Variants in TENM1 observed in about 807,000 individuals in gnomAD.
TENM1 encodes the protein teneurin transmembrane protein 1.
Under a neutral mutation model 174.8 loss-of-function variants are expected in TENM1, and 35 were observed. That is an observed-to-expected ratio of 0.20 (90% confidence interval 0.15 to 0.27). The LOEUF (loss-of-function observed/expected upper bound fraction) is 0.27. TENM1 is among the 10% of genes least tolerant of loss of function. The pLI is 1.00. For missense variants in TENM1, 1,633 were observed against 2,130.1 expected (o/e 0.77, Z 4.59); for synonymous variants, 781 against 798.7 (o/e 0.98, Z 0.37).
At chrX:124,677,299 T>C (rs2148446752) in intron 5 of TENM1, among the ~76,000 whole-genome samples, 1 of 111,021 alleles carries the variant, frequency 9.0e-6, no homozygotes, top group South Asian at 3.8e-4. Flanking sequence ...CATACTATAT[T>C]AAAGATATCT....
At chrX:124,517,579 T>C (rs1188980860) in intron 18 of TENM1, among the ~76,000 whole-genome samples, 4 of 99,258 alleles carry the variant, frequency 4.0e-5, no homozygotes, top group Non-Finnish European at 8.0e-5. Context: ...AACCGAACAC[T>C]GCATGTTCTC....
At chrX:124,451,986 A>C (rs767831772) in intron 23 of TENM1, among the ~76,000 whole-genome samples, 4,530 of 108,625 alleles carry the variant, frequency 0.042, 227 homozygotes, top group African/African-American at 0.14. Flanking sequence ...TCTAAAACAC[A>C]AAAAGCAATG....
intron 11 of TENM1, among the ~76,000 whole-genome samples, chrX:124,597,567 C>G (rs2049926072): frequency 9.0e-6 from 1 of 110,758 alleles, no homozygotes; most frequent in African/African-American, 3.3e-5. Context: ...TGATAAAAGA[C>G]TACACATTGG....
At chrX:124,717,193 A>G (rs531845732) in intron 4 of TENM1, among the ~76,000 whole-genome samples, 76 of 111,423 alleles carry the variant, frequency 6.8e-4, no homozygotes, top group Middle Eastern at 9.3e-3. Context: ...TACTGGTAAC[A>G]CATTCATTCC....
chrX:124,706,903 C>T (rs772057257), intron 4 of TENM1, among the ~76,000 whole-genome samples: 1 of 109,603 alleles, frequency 9.1e-6, no homozygotes, highest in South Asian at 3.9e-4. Flanking sequence ...AGGACAGAGC[C>T]AGAATCAGAA....
At position 124,628,365 on chromosome X, in the gene TENM1, T is replaced by C. The variant is rs1392079011; in HGVS notation, c.2077+13426A>G. On this transcript the variant is annotated intron_variant, in intron 11 of 31. Coordinates refer to ENST00000422452, the Ensembl canonical transcript of TENM1. Reference sequence around the variant, plus strand: ...GCCCAAGAGAAATATAATGTGAGCCTTAAGTGCAAGCCACATATATTATTT... The same window carrying C: ...GCCCAAGAGAAATATAATGTGAGCCCTAAGTGCAAGCCACATATATTATTT... Among the ~76,000 whole-genome samples, 4 of 111,383 alleles carry C rather than the reference T, an allele frequency of 3.6e-5. No homozygotes were observed. The Admixed American group carries it at 3.8e-4, about 11-fold the overall frequency.
At chrX:124,701,388 TC>T (rs1388972119) in intron 5 of TENM1, among the ~76,000 whole-genome samples, 1 of 111,583 alleles carries the variant, frequency 9.0e-6, no homozygotes, top group Non-Finnish European at 1.9e-5. Flanking sequence ...AGAAACTTGA[TC>T]AAAACATCAA....
chrX:124,753,162 A>C (rs1381766874), intron 3 of TENM1, among the ~76,000 whole-genome samples: 183 of 109,034 alleles, frequency 1.7e-3, no homozygotes, highest in Non-Finnish European at 3.1e-3. Context: ...CTTTTATTTC[A>C]TTGAGCAGTG....
At chrX:124,917,687 G>C (rs1259702665) in intron 1 of TENM1, among the ~76,000 whole-genome samples, 1 of 111,568 alleles carries the variant, frequency 9.0e-6, no homozygotes, top group Non-Finnish European at 1.9e-5. Context: ...CCTTGTTTAT[G>C]TGCTTGCTCT....
intron 3 of TENM1, among the ~76,000 whole-genome samples, chrX:124,873,936 C>T (rs1005419383): frequency 7.2e-5 from 8 of 111,621 alleles, no homozygotes; most frequent in Admixed American, 1.9e-4. Flanking sequence ...TTTCTTCCTA[C>T]TTATATGTCT....
the TENM1 span, among the ~76,000 whole-genome samples, chrX:125,189,780 T>C: frequency 2.7e-5 from 3 of 112,461 alleles, no homozygotes; most frequent in Admixed American, 1.9e-4. Flanking sequence ...TATATGAATA[T>C]GCACATAATG....
At chrX:124,941,701 ACCTT>A (rs1339045170) in intron 1 of TENM1, among the ~76,000 whole-genome samples, 4 of 111,743 alleles carry the variant, frequency 3.6e-5, no homozygotes, top group Admixed American at 9.5e-5. Flanking sequence ...TTGCTTCCCT[ACCTT>A]CCTTTGTTGA....
At chrX:125,157,092 G>A in the TENM1 span, among the ~76,000 whole-genome samples, 1 of 112,290 alleles carries the variant, frequency 8.9e-6, no homozygotes, top group South Asian at 3.7e-4. Context: ...CCTTAAAAAT[G>A]CTGATGCCTG....
intron 3 of TENM1, among the ~76,000 whole-genome samples, chrX:124,828,824 AAAAG>A (rs1438173153): frequency 1.8e-5 from 2 of 112,317 alleles, no homozygotes; most frequent in African/African-American, 6.5e-5. Context: ...GAAAGAAAAC[AAAAG>A]AAAGAAAGAT....
At chrX:124,723,846 G>T (rs1313502965) in intron 4 of TENM1, among the ~76,000 whole-genome samples, 2 of 110,671 alleles carry the variant, frequency 1.8e-5, no homozygotes, top group Non-Finnish European at 3.8e-5. Context: ...TGATCCGCCC[G>T]CCTCAGCCTC....
At chrX:124,889,275 G>A (rs1254491188) in intron 3 of TENM1, among the ~76,000 whole-genome samples, 3 of 111,331 alleles carry the variant, frequency 2.7e-5, no homozygotes, top group Non-Finnish European at 3.8e-5. Context: ...TGTAGCTGAT[G>A]AGACCAGTGG....
Position 124,498,812 on chromosome X carries a change from A to G in TENM1, c.3446-1547T>C, listed in dbSNP as rs753829333. On this transcript the variant is annotated intron_variant, in intron 19 of 31. Coordinates refer to ENST00000422452, the Ensembl canonical transcript of TENM1. The stretch of plus-strand genomic sequence containing the variant: ...ACTTCTCTGTCTTTCCCATTAGAAC[A>G]TGAATGAGCTCCTTGAAGGCAGATC... Among the ~76,000 whole-genome samples the G allele has an allele frequency of 4.5e-5, 5 of 111,129 alleles. No individual in the cohort carries two copies. The South Asian group carries it at 1.9e-3, about 43-fold the overall frequency.
intron 11 of TENM1, among the ~76,000 whole-genome samples, chrX:124,583,001 A>G (rs1029795384): frequency 6.2e-5 from 7 of 112,653 alleles, no homozygotes; most frequent in Non-Finnish European, 9.4e-5. Context: ...GCCATTGCCC[A>G]GGCTTGCTTA....
chrX:124,802,087 T>C (rs1294542686), intron 3 of TENM1, among the ~76,000 whole-genome samples: 1 of 111,782 alleles, frequency 8.9e-6, no homozygotes, highest in Non-Finnish European at 1.9e-5. Flanking sequence ...TTGTTATTAC[T>C]GACCTTCTGA....
Sources: allele counts gnomAD v4.1 joint callset (sites outside exome capture counted in the v4.1 genomes callset), GRCh38; gene constraint gnomAD v4.1.1; transcripts MANE v1.5; gene names NCBI Gene and HGNC (gene_info 2026-07-23, HGNC 2026-07-21).